The following PIP5K1B variants were observed in gnomAD, a reference collection of about 807,000 sequenced individuals.
The protein encoded by PIP5K1B is phosphatidylinositol 4-phosphate 5-kinase type-1 beta.
A neutral mutation model predicts 67.0 loss-of-function variants in PIP5K1B; 42 were observed. That is an observed-to-expected ratio of 0.63 (90% CI 0.49 to 0.81). PIP5K1B has a LOEUF of 0.81. PIP5K1B is among the 30% of genes least tolerant of loss of function. The pLI, the probability that PIP5K1B is intolerant of heterozygous loss-of-function variation, is 0.00. For synonymous variants in PIP5K1B, 214 were observed against 231.4 expected, an observed-to-expected ratio of 0.92 and a Z score of 0.68; for missense variants, 459 against 646.3, an observed-to-expected ratio of 0.71 and a Z score of 3.14.
At chr9:68,973,928 A>G (rs1829513856) in intron 14 of PIP5K1B, among the ~76,000 whole-genome samples, 1 of 152,212 alleles carries the variant, frequency 6.6e-6, no homozygotes, top group African/African-American at 2.4e-5. Flanking sequence ...CCCAAGCTGG[A>G]GCACAGTGGC....
At chr9:68,780,077 G>GTCGCCGTATCATTAAAAAACCTGGAC in intron 2 of PIP5K1B, 1 of 1,419,142 alleles carries the variant, frequency 7.0e-7, no homozygotes, top group Non-Finnish European at 9.2e-7. Flanking sequence ...ATTCTCGGTG[G>GTCGCCGTATCATTAAAAAACCTGGAC]CGGCGGCAGC....
intron 8 of PIP5K1B, among the ~76,000 whole-genome samples, chr9:68,906,955 C>G (rs1323066521): frequency 6.6e-6 from 1 of 152,160 alleles, no homozygotes; most frequent in Non-Finnish European, 1.5e-5. Context: ...AAAAGGTCTA[C>G]AATCAAATTT....
At position 68,943,537 on chromosome 9, in the gene PIP5K1B, A is replaced by G. The variant is rs560780690; in HGVS notation, c.1502+2747A>G. Among the ~76,000 whole-genome samples the G allele has an allele frequency of 4.6e-5, 7 of 151,900 alleles. 1 individual carries two copies. The South Asian group carries it at 1.5e-3, about 32-fold the overall frequency. ...AAATTGTCATATTTTTGTTTCTATC[A>G]TTTTTTCCTTTAGAGCCCACCTAGT... On this transcript the variant is annotated intron_variant, in intron 14 of 15. Coordinates refer to ENST00000265382, the MANE Select transcript of PIP5K1B (RefSeq NM_003558.4).
intron 6 of PIP5K1B, 124 bp downstream of exon 6, chr9:68,876,918 C>A: frequency 1.7e-6 from 1 of 593,396 alleles, no homozygotes; most frequent in Non-Finnish European, 3.0e-6. Flanking sequence ...GTAAAAGTTC[C>A]AAGTTTTATA....
chr9:68,915,215 A>G (rs1826036599), intron 8 of PIP5K1B, among the ~76,000 whole-genome samples: 1 of 152,074 alleles, frequency 6.6e-6, no homozygotes, highest in Non-Finnish European at 1.5e-5. Flanking sequence ...CTCATCCCCC[A>G]TGTCCTTATC....
At chr9:68,811,164 C>T (rs1036785981) in intron 2 of PIP5K1B, among the ~76,000 whole-genome samples, 3 of 152,174 alleles carry the variant, frequency 2.0e-5, no homozygotes, top group East Asian at 3.9e-4. Context: ...ACAATAGAAA[C>T]GTGTGTACCA....
intron 14 of PIP5K1B, among the ~76,000 whole-genome samples, chr9:68,989,672 A>T (rs972955878): frequency 5.3e-5 from 8 of 152,054 alleles, no homozygotes; most frequent in Non-Finnish European, 1.5e-5. Context: ...ATTAATACCC[A>T]ATTTTAACAC....
intron 15 of PIP5K1B, among the ~76,000 whole-genome samples, chr9:68,993,479 A>AT (rs1415561900): frequency 6.6e-6 from 1 of 151,900 alleles, no homozygotes; most frequent in Admixed American, 6.6e-5. Flanking sequence ...TTGTAAAAAG[A>AT]TTTTTTCTCT....
intron 5 of PIP5K1B, among the ~76,000 whole-genome samples, chr9:68,867,483 A>G (rs1823416754): frequency 6.6e-6 from 1 of 152,236 alleles, no homozygotes; most frequent in Non-Finnish European, 1.5e-5. Flanking sequence ...TGGAGGTGCT[A>G]TTGGCTTTGT....
At chr9:68,949,031 A>T (rs1737389613) in intron 14 of PIP5K1B, among the ~76,000 whole-genome samples, 1 of 152,126 alleles carries the variant, frequency 6.6e-6, no homozygotes, top group African/African-American at 2.4e-5. Flanking sequence ...GATTTAGTTT[A>T]TGGATAAATC....
At chr9:68,822,448 A>G in intron 3 of PIP5K1B, 167 bp from the exon 4 acceptor site, 1 of 517,814 alleles carries the variant, frequency 1.9e-6, no homozygotes, top group Non-Finnish European at 3.5e-6. Flanking sequence ...AGGAATGCAG[A>G]TTTCTTTTTT....
At chr9:68,710,230 A>G (rs944870853) in intron 1 of PIP5K1B, among the ~76,000 whole-genome samples, 4 of 151,368 alleles carry the variant, frequency 2.6e-5, no homozygotes, top group Admixed American at 2.0e-4. Context: ...GGAATCCTTC[A>G]TTTTTTTTTA....
At chr9:68,943,164 T>C (rs1027700775) in intron 14 of PIP5K1B, among the ~76,000 whole-genome samples, 5 of 152,194 alleles carry the variant, frequency 3.3e-5, no homozygotes, top group African/African-American at 7.2e-5. Context: ...TTCGTCACCA[T>C]ATAATTTTGG....
At chr9:68,962,344 CCT>C (rs1828798655) in intron 14 of PIP5K1B, among the ~76,000 whole-genome samples, 1 of 152,110 alleles carries the variant, frequency 6.6e-6, no homozygotes, top group Admixed American at 6.5e-5. Context: ...AAAAATCAAT[CCT>C]CTCTGAATTC....
intron 1 of PIP5K1B, among the ~76,000 whole-genome samples, chr9:68,724,923 G>A (rs908316479): frequency 6.6e-6 from 1 of 151,930 alleles, no homozygotes; most frequent in African/African-American, 2.4e-5. Flanking sequence ...ATTTTGTACA[G>A]GTTTATATCA....
chr9:68,842,343 G>A lies in PIP5K1B; in HGVS notation c.69+19660G>A, dbSNP rs536183657. On this transcript the variant is annotated intron_variant, in intron 4 of 15. Transcript: ENST00000265382. ...AGGATCATGACAAAAGCAACAGCAA[G>A]TGCACTTTCTTTTCCAAATTACCCA... Among the ~76,000 whole-genome samples, 3 of 152,316 alleles carry A rather than the reference G, an allele frequency of 2.0e-5. No individual in the cohort carries two copies. The East Asian group carries it at 5.8e-4, about 29-fold the overall frequency.
chr9:68,713,041 G>A (rs1827464935), intron 1 of PIP5K1B, among the ~76,000 whole-genome samples: 2 of 152,188 alleles, frequency 1.3e-5, no homozygotes, highest in African/African-American at 4.8e-5. Context: ...AAGAAGCCAG[G>A]GCAGTGACTC....
At chr9:68,954,058 C>T (rs1374075716) in intron 14 of PIP5K1B, among the ~76,000 whole-genome samples, 1 of 152,042 alleles carries the variant, frequency 6.6e-6, no homozygotes, top group Non-Finnish European at 1.5e-5. Context: ...CCTGGGTCCA[C>T]ACATCCTGTT....
intron 14 of PIP5K1B, among the ~76,000 whole-genome samples, chr9:68,960,636 GC>G (rs1409059923): frequency 1.3e-5 from 2 of 151,938 alleles, no homozygotes; most frequent in Non-Finnish European, 2.9e-5. Context: ...TTTTCATACA[GC>G]CCTCTAATTC....
Sources: gnomAD v4.1 joint callset for allele counts (sites outside exome capture counted in the v4.1 genomes callset) on GRCh38, gnomAD v4.1.1 for gene constraint, MANE v1.5 for transcripts, NCBI Gene and HGNC (gene_info 2026-07-23, HGNC 2026-07-21) for gene names.